PIK3CB: variants seen among roughly 807,000 people sequenced by gnomAD.
The protein encoded by PIK3CB is phosphatidylinositol 4,5-bisphosphate 3-kinase catalytic subunit beta isoform.
Under a neutral mutation model 136.8 loss-of-function variants are expected in PIK3CB, and 39 were observed. That is an observed-to-expected ratio of 0.29 (90% CI 0.22 to 0.37). The LOEUF (loss-of-function observed/expected upper bound fraction) is 0.37, where lower values mean the gene tolerates loss of function less well. Among genes scored for constraint, PIK3CB ranks in the 10% least tolerant of loss-of-function variants. The pLI, the probability that PIK3CB is intolerant of heterozygous loss-of-function variation, is 1.00. For synonymous variants in PIK3CB, 428 were observed against 436.6 expected (o/e 0.98, Z 0.25); for missense variants, 868 against 1,275.4 (o/e 0.68, Z 4.87).
rs17548850 is a variant in PIK3CB at position 138,654,142 on chromosome 3, G to T, written c.*1247C>A. 0.14 allele frequency: 27,648 copies of T among 204,494 alleles called. 2,535 individuals carry two copies. The highest frequency in any genetic ancestry group is 0.2 in the Non-Finnish European group (19,718 of 99,904). 12.7% of individuals were successfully genotyped at this position (204,494 alleles called of 1,614,324 possible). A position where few individuals can be genotyped will look rare whatever the true frequency, so the allele number is the denominator to read the frequency against. On this transcript the variant is annotated 3_prime_UTR_variant, in exon 24 of 24. Transcript: ENST00000674063. ...AGCTCAGTCATAGGGCAAATACTCA[G>T]TTCTCTTTCCCATATCACCGAGGAT...
chr3:138,684,863 T>G, intron 16 of PIK3CB, 60 bp from the exon 17 acceptor site: 1 of 1,228,206 alleles, frequency 8.1e-7, no homozygotes, highest in Admixed American at 2.0e-5. Flanking sequence ...TAATATCATG[T>G]GATCATATCA....
chr3:138,701,007 C>G (rs948762393), intron 12 of PIK3CB, among the ~76,000 whole-genome samples: 29 of 152,086 alleles, frequency 1.9e-4, no homozygotes, highest in African/African-American at 6.8e-4. Flanking sequence ...CAAGGGATAA[C>G]AGTTAACTTC....
intron 1 of PIK3CB, among the ~76,000 whole-genome samples, chr3:138,802,409 G>A (rs1473517933): frequency 3.3e-5 from 5 of 151,524 alleles, no homozygotes; most frequent in African/African-American, 1.2e-4. Context: ...AAAGAAAAGG[G>A]AAGGGGGAAA....
intron 8 of PIK3CB, among the ~76,000 whole-genome samples, chr3:138,727,966 C>G (rs2044877250): frequency 6.6e-6 from 1 of 151,988 alleles, no homozygotes; most frequent in African/African-American, 2.4e-5. Context: ...TCAGTGTTAG[C>G]CAGGATGGTC....
At position 138,829,740 on chromosome 3, in the gene PIK3CB, TTGCGCCAC is replaced by T. The variant is rs547356090; in HGVS notation, c.-122+4947_-122+4954del. Among the ~76,000 whole-genome samples, 544 of 152,122 alleles carry T rather than the reference TTGCGCCAC, an allele frequency of 3.6e-3. 1 individual carries two copies. The highest frequency in any genetic ancestry group is 6.5e-3 in the Non-Finnish European group (442 of 68,002). On this transcript the variant is annotated intron_variant, in intron 1 of 23. Coordinates refer to ENST00000674063, the MANE Select transcript of PIK3CB (RefSeq NM_006219.3). ...AGGCGGAGGTTGCAGTGAGCCGAGA[TTGCGCCAC>T]TGTACTCCAGCCTGGGCAACAAGAG...
At chr3:138,779,315 T>C (rs1251229077) in intron 2 of PIK3CB, among the ~76,000 whole-genome samples, 4 of 151,114 alleles carry the variant, frequency 2.6e-5, no homozygotes, top group Non-Finnish European at 5.9e-5. Flanking sequence ...CTTGATCTCC[T>C]GACCTCATGA....
intron 1 of PIK3CB, among the ~76,000 whole-genome samples, chr3:138,801,214 T>C (rs947789864): frequency 6.6e-6 from 1 of 152,056 alleles, no homozygotes; most frequent in Non-Finnish European, 1.5e-5. Flanking sequence ...CCCATTATAA[T>C]GAAATGAGGT....
chr3:138,719,600 C>T (rs1027130771), intron 8 of PIK3CB, among the ~76,000 whole-genome samples: 5 of 152,026 alleles, frequency 3.3e-5, no homozygotes, highest in Admixed American at 2.6e-4. Flanking sequence ...CATATTAAGA[C>T]ACATTTCACT....
intron 2 of PIK3CB, among the ~76,000 whole-genome samples, chr3:138,790,601 G>C (rs2046036756): frequency 6.7e-6 from 1 of 148,616 alleles, no homozygotes; most frequent in Non-Finnish European, 1.5e-5. Flanking sequence ...TCAGGAGATT[G>C]AGACCATCCT....
intron 19 of PIK3CB, among the ~76,000 whole-genome samples, chr3:138,669,970 A>T (rs1036321205): frequency 2.6e-5 from 4 of 151,832 alleles, no homozygotes; most frequent in African/African-American, 9.7e-5. Flanking sequence ...AAATGAACTT[A>T]AAAAAAAATT....
intron 6 of PIK3CB, among the ~76,000 whole-genome samples, chr3:138,735,120 T>C (rs560439330): frequency 3.9e-5 from 6 of 151,932 alleles, no homozygotes; most frequent in Non-Finnish European, 7.4e-5. Context: ...AGCCAATTTT[T>C]ATATTTTTTG....
chr3:138,827,454 A>G (rs1426753611), intron 1 of PIK3CB, among the ~76,000 whole-genome samples: 1 of 151,618 alleles, frequency 6.6e-6, no homozygotes, highest in East Asian at 2.0e-4. Flanking sequence ...CAAGAGCATG[A>G]GACCCAGCCT....
intron 8 of PIK3CB, among the ~76,000 whole-genome samples, chr3:138,724,095 AG>A (rs1232815599): frequency 6.6e-6 from 1 of 152,186 alleles, no homozygotes; most frequent in East Asian, 1.9e-4. Context: ...AGATGCTACC[AG>A]GTTATGGCAT....
In PIK3CB at chr3:138,825,160, C is replaced by T. The variant is rs1167321223; in HGVS notation, c.-122+9535G>A. On this transcript the variant is annotated intron_variant, in intron 1 of 23. Transcript: ENST00000674063. ...AAAGCTGAGCATGAACATGGTATCA[C>T]CATTGGTATCTCCCTATGAAAATAT... 5 of 288,998 alleles carry T rather than the reference C, an allele frequency of 1.7e-5. No individual in the cohort carries two copies. In the East Asian group the frequency reaches 3.1e-4, roughly 18 times the overall value. The allele number at this position is 288,998 out of a possible 1,614,324, so 17.9% of individuals were successfully genotyped here. A position where few individuals can be genotyped will look rare whatever the true frequency, so the allele number is the denominator to read the frequency against.
At chr3:138,678,797 A>ACTTTT in intron 19 of PIK3CB, among the ~76,000 whole-genome samples, 1 of 152,176 alleles carries the variant, frequency 6.6e-6, no homozygotes, top group African/African-American at 2.4e-5. Context: ...GAGGGCACAG[A>ACTTTT]AGCTAAAAGA....
chr3:138,783,812 G>T (rs907744746), intron 2 of PIK3CB, among the ~76,000 whole-genome samples: 3 of 151,696 alleles, frequency 2.0e-5, no homozygotes, highest in African/African-American at 7.3e-5. Context: ...AATAAAAAAT[G>T]ATAAAATAAA....
chr3:138,833,266 C>T (rs1261533167), intron 1 of PIK3CB, among the ~76,000 whole-genome samples: 1 of 151,782 alleles, frequency 6.6e-6, no homozygotes, highest in African/African-American at 2.4e-5. Context: ...GGGGTTTCAC[C>T]ATGTTGCTTG....
intron 2 of PIK3CB, among the ~76,000 whole-genome samples, chr3:138,776,942 AAG>A (rs1553739289): frequency 1.3e-5 from 2 of 151,762 alleles, no homozygotes; most frequent in Admixed American, 6.6e-5. Context: ...AAAAAAAAAA[AAG>A]AATCTAAATA....
intron 5 of PIK3CB, among the ~76,000 whole-genome samples, chr3:138,740,691 C>T (rs758644594): frequency 1.4e-4 from 21 of 151,754 alleles, no homozygotes; most frequent in Admixed American, 2.0e-4. Context: ...ATCCCTCTGT[C>T]GCCCAAGCTG....
Sources: gnomAD v4.1 joint callset for allele counts (sites outside exome capture counted in the v4.1 genomes callset) on GRCh38, gnomAD v4.1.1 for gene constraint, MANE v1.5 for transcripts, NCBI Gene and HGNC (gene_info 2026-07-23, HGNC 2026-07-21) for gene names.